The following CAMK4 variants were observed in gnomAD, a reference collection of about 807,000 sequenced individuals.
The protein encoded by CAMK4 is calcium/calmodulin dependent protein kinase IV, also known as calcium/calmodulin-dependent protein kinase type IV.
In CAMK4, 22 loss-of-function variants were observed where a neutral mutation model predicts 44.9. The observed-to-expected ratio is 0.49, with a 90% CI of 0.35 to 0.70. CAMK4 has a LOEUF of 0.70. Among genes scored for constraint, CAMK4 ranks in the 30% least tolerant of loss-of-function variants. CAMK4 has a pLI of 0.01. For synonymous variants in CAMK4, 218 were observed against 215.4 expected, an observed-to-expected ratio of 1.01 and a Z score of -0.11; for missense variants, 498 against 586.8, an observed-to-expected ratio of 0.85 and a Z score of 1.56.
chr5:111,238,126 C>A (rs987403062), intron 1 of CAMK4, among the ~76,000 whole-genome samples: 1 of 152,280 alleles, frequency 6.6e-6, no homozygotes, highest in South Asian at 2.1e-4. Context: ...CCACTCCTTA[C>A]CAGCTTTACT....
intron 1 of CAMK4, among the ~76,000 whole-genome samples, chr5:111,273,656 C>T (rs558476257): frequency 3.7e-4 from 45 of 121,606 alleles, no homozygotes; most frequent in African/African-American, 1.2e-3. Context: ...AAATGTTATC[C>T]GTCAGCTTTA....
At chr5:111,461,558 G>A (rs947907707) in intron 7 of CAMK4, among the ~76,000 whole-genome samples, 3 of 152,070 alleles carry the variant, frequency 2.0e-5, no homozygotes, top group South Asian at 2.1e-4. Context: ...CACTGCTGCC[G>A]CCCATAGGCA....
At chr5:111,394,896 G>A in intron 5 of CAMK4, 114 bp downstream of exon 5, 1 of 685,784 alleles carries the variant, frequency 1.5e-6, no homozygotes, top group Non-Finnish European at 2.5e-6. Context: ...GCATAAAGTT[G>A]TGAAATATTT....
At chr5:111,460,407 G>A (rs750008047) in intron 7 of CAMK4, among the ~76,000 whole-genome samples, 6 of 151,488 alleles carry the variant, frequency 4.0e-5, no homozygotes, top group Non-Finnish European at 7.4e-5. Context: ...GAGTAGCTGG[G>A]ACCACAAGCG....
chr5:111,271,517 C>G (rs376658180), intron 1 of CAMK4, among the ~76,000 whole-genome samples: 1 of 151,618 alleles, frequency 6.6e-6, no homozygotes, highest in African/African-American at 2.4e-5. Flanking sequence ...TGTCACTACT[C>G]AAAAAAAATA....
rs1186824285 is a variant in CAMK4 at position 111,485,767 on chromosome 5, C to T, written c.*1301C>T. 2 of 152,048 alleles carry T rather than the reference C, an allele frequency of 1.3e-5. No individual in the cohort carries two copies. Among genetic ancestry groups the T allele is most frequent in the African/African-American group, 2.4e-5 (1 of 41,418 alleles). 9.4% of individuals were successfully genotyped at this position (152,048 alleles called of 1,614,324 possible). A position where few individuals can be genotyped will look rare whatever the true frequency, so the allele number is the denominator to read the frequency against. ...AAATCAGACTCTTAAAAAGCTGGAA[C>T]ATTAGACCTGATATTTTATTATGAT... On this transcript the variant is annotated 3_prime_UTR_variant, in exon 11 of 11. Coordinates refer to ENST00000282356, the MANE Select transcript of CAMK4 (RefSeq NM_001744.6).
chr5:111,405,134 G>T (rs927741387), intron 5 of CAMK4, among the ~76,000 whole-genome samples: 1 of 152,208 alleles, frequency 6.6e-6, no homozygotes, highest in African/African-American at 2.4e-5. Context: ...AACTGAGTCA[G>T]AAAATATCTT....
chr5:111,354,053 A>T (rs996271796), intron 2 of CAMK4, among the ~76,000 whole-genome samples: 1 of 152,152 alleles, frequency 6.6e-6, no homozygotes, highest in Non-Finnish European at 1.5e-5. Flanking sequence ...ATGAGGAAAC[A>T]GCTTCTGTCT....
chr5:111,331,670 C>G (rs1186387581), intron 1 of CAMK4, among the ~76,000 whole-genome samples: 2 of 151,612 alleles, frequency 1.3e-5, no homozygotes, highest in East Asian at 3.9e-4. Context: ...CAGTTTTCTC[C>G]CTCCTTTTTA....
chr5:111,301,211 A>G (rs1028125867), intron 1 of CAMK4, among the ~76,000 whole-genome samples: 7 of 152,160 alleles, frequency 4.6e-5, no homozygotes, highest in African/African-American at 1.4e-4. Flanking sequence ...ATCTCTTCCT[A>G]GCATAATTGA....
chr5:111,246,363 T>C (rs950508778), intron 1 of CAMK4, among the ~76,000 whole-genome samples: 4 of 152,220 alleles, frequency 2.6e-5, no homozygotes, highest in African/African-American at 9.6e-5. Context: ...GTTAGGATGC[T>C]TTAATGTACA....
intron 1 of CAMK4, among the ~76,000 whole-genome samples, chr5:111,275,110 A>G (rs1561379067): frequency 6.6e-6 from 1 of 152,182 alleles, no homozygotes; most frequent in Non-Finnish European, 1.5e-5. Flanking sequence ...ATCACCTCAC[A>G]TACTTATCAG....
intron 5 of CAMK4, among the ~76,000 whole-genome samples, chr5:111,401,530 C>CA (rs11409512): frequency 0.91 from 138,565 of 151,446 alleles, 63,477 homozygotes; most frequent in East Asian, 0.99. Context: ...ATCTGAGCAT[C>CA]AAAAAAAATA....
At chr5:111,333,633 G>A (rs1005749231) in intron 1 of CAMK4, among the ~76,000 whole-genome samples, 48 of 151,484 alleles carry the variant, frequency 3.2e-4, no homozygotes, top group African/African-American at 1.2e-3. Context: ...GAAATAAGAG[G>A]AGCCATATTT....
chr5:111,308,528 G>A (rs1031483305), intron 1 of CAMK4, among the ~76,000 whole-genome samples: 3 of 152,124 alleles, frequency 2.0e-5, no homozygotes, highest in African/African-American at 7.2e-5. Flanking sequence ...TACAAAATTT[G>A]CAGATGAAAC....
chr5:111,334,616 A>T (rs1186365590), intron 1 of CAMK4, among the ~76,000 whole-genome samples: 1 of 151,606 alleles, frequency 6.6e-6, no homozygotes, highest in Non-Finnish European at 1.5e-5. Context: ...GAGCTTATTA[A>T]ATAATAGCAA....
At chr5:111,383,453 A>G (rs1751487565) in intron 4 of CAMK4, among the ~76,000 whole-genome samples, 2 of 152,190 alleles carry the variant, frequency 1.3e-5, no homozygotes, top group African/African-American at 4.8e-5. Flanking sequence ...TGGAAAGCAC[A>G]CGATTACTGA....
chr5:111,483,931 AT>A, intron 10 of CAMK4, 94 bp from the exon 11 acceptor site: 1 of 964,868 alleles, frequency 1.0e-6, no homozygotes, highest in Non-Finnish European at 1.5e-6. Context: ...ACGCTAACCT[AT>A]AAAACGGAAT....
intron 9 of CAMK4, among the ~76,000 whole-genome samples, chr5:111,479,847 A>G (rs1755370039): frequency 6.6e-6 from 1 of 151,948 alleles, no homozygotes; most frequent in Admixed American, 6.6e-5. Context: ...CCATGCTCCT[A>G]AACACCTCTT....
Sources: gnomAD v4.1 joint callset for allele counts (sites outside exome capture counted in the v4.1 genomes callset) on GRCh38, gnomAD v4.1.1 for gene constraint, MANE v1.5 for transcripts, NCBI Gene and HGNC (gene_info 2026-07-23, HGNC 2026-07-21) for gene names.